Variants in BABAM2 observed in about 807,000 individuals in gnomAD.
BABAM2 encodes BRISC and BRCA1 A complex member 2, also known as BRISC and BRCA1-A complex member 2.
In BABAM2, 31 loss-of-function variants were observed where a neutral mutation model predicts 54.7. The ratio of observed to expected loss-of-function variants is 0.57; its 90% CI spans 0.43 to 0.77. The LOEUF is 0.77. BABAM2 is among the 30% of genes least tolerant of loss of function. The probability of loss-of-function intolerance (pLI) is 0.00; values close to 1 mark genes in which losing one functional copy is unlikely to be tolerated. For synonymous variants in BABAM2, 167 were observed against 162.9 expected, an observed-to-expected ratio of 1.03 and a Z score of -0.19; for missense variants, 364 against 455.8, an observed-to-expected ratio of 0.80 and a Z score of 1.83.
chr2:28,333,156 G>A (rs563772523), intron 11 of BABAM2, among the ~76,000 whole-genome samples: 11 of 152,124 alleles, frequency 7.2e-5, no homozygotes, highest in East Asian at 1.9e-4. Context: ...CATGCCAAGC[G>A]CTTACCCAGA....
chr2:28,117,143 A>G (rs1430556846), intron 6 of BABAM2, among the ~76,000 whole-genome samples: 2 of 152,176 alleles, frequency 1.3e-5, no homozygotes, highest in Non-Finnish European at 2.9e-5. Context: ...TAGCCTAGCT[A>G]TAGCCAGAGC....
intron 10 of BABAM2, among the ~76,000 whole-genome samples, chr2:28,281,390 A>G (rs1686344598): frequency 6.6e-6 from 1 of 152,198 alleles, no homozygotes; most frequent in South Asian, 2.1e-4. Flanking sequence ...GCTGTATGAA[A>G]TAGGTCAATA....
intron 2 of BABAM2, among the ~76,000 whole-genome samples, chr2:27,917,918 A>G (rs1345095892): frequency 6.6e-6 from 1 of 152,180 alleles, no homozygotes; most frequent in African/African-American, 2.4e-5. Context: ...TACTAATGGA[A>G]GAAATGCTTT....
At chr2:28,077,240 A>G (rs1320631289) in intron 6 of BABAM2, among the ~76,000 whole-genome samples, 1 of 152,254 alleles carries the variant, frequency 6.6e-6, no homozygotes, top group Non-Finnish European at 1.5e-5. Context: ...ATATTTGAAT[A>G]TCTTCTTACA....
At chr2:28,115,037 C>T (rs1358702521) in intron 6 of BABAM2, among the ~76,000 whole-genome samples, 1 of 151,956 alleles carries the variant, frequency 6.6e-6, no homozygotes, top group Non-Finnish European at 1.5e-5. Context: ...TTGTGGTAAG[C>T]ACCATACTGG....
intron 3 of BABAM2, among the ~76,000 whole-genome samples, chr2:27,949,298 C>T (rs544195706): frequency 1.8e-4 from 27 of 152,216 alleles, no homozygotes; most frequent in Middle Eastern, 3.4e-3. Context: ...TTTGGGAGGC[C>T]GAGACAGGCG....
intron 6 of BABAM2, among the ~76,000 whole-genome samples, chr2:28,078,584 G>A (rs1345894424): frequency 6.6e-6 from 1 of 152,086 alleles, no homozygotes; most frequent in Admixed American, 6.6e-5. Flanking sequence ...GCATCCACTG[G>A]CAGGTCTTGG....
chr2:27,918,995 A>G (rs546827911), intron 2 of BABAM2, among the ~76,000 whole-genome samples: 8 of 152,178 alleles, frequency 5.3e-5, no homozygotes, highest in Non-Finnish European at 1.2e-4. Context: ...CGGCCTCATT[A>G]TGAGTCTTTT....
intron 6 of BABAM2, among the ~76,000 whole-genome samples, chr2:28,074,936 C>T (rs1664516251): frequency 6.6e-6 from 1 of 152,152 alleles, no homozygotes; most frequent in African/African-American, 2.4e-5. Flanking sequence ...GAAGTTCATT[C>T]TTCTTCCAAG....
intron 7 of BABAM2, among the ~76,000 whole-genome samples, chr2:28,142,148 G>A (rs1464085703): frequency 1.3e-5 from 2 of 152,176 alleles, no homozygotes; most frequent in Non-Finnish European, 2.9e-5. Flanking sequence ...ATCCTGGTAT[G>A]TCTGATTTTG....
At chr2:28,257,482 C>G (rs1288103096) in intron 10 of BABAM2, among the ~76,000 whole-genome samples, 3 of 152,134 alleles carry the variant, frequency 2.0e-5, no homozygotes, top group Admixed American at 6.5e-5. Flanking sequence ...TTGTGTGTGT[C>G]AATGTTTTGT....
At chr2:27,896,678 T>C (rs1665350221) in intron 2 of BABAM2, 1 of 160,868 alleles carries the variant, frequency 6.2e-6, no homozygotes. Flanking sequence ...TCATTATCTA[T>C]TGTGTCCACC....
At chr2:28,062,560 T>G (rs1678973396) in intron 6 of BABAM2, among the ~76,000 whole-genome samples, 1 of 89,648 alleles carries the variant, frequency 1.1e-5, no homozygotes, top group African/African-American at 4.0e-5. Flanking sequence ...AGACTCCATC[T>G]CAAAAAAAAA....
intron 7 of BABAM2, among the ~76,000 whole-genome samples, chr2:28,151,817 C>A (rs1171851960): frequency 6.6e-6 from 1 of 152,180 alleles, no homozygotes; most frequent in Non-Finnish European, 1.5e-5. Flanking sequence ...AAATTCAATT[C>A]AAATCTTTTC....
chr2:28,251,977 G>C (rs1210102014), intron 10 of BABAM2, among the ~76,000 whole-genome samples: 1 of 152,108 alleles, frequency 6.6e-6, no homozygotes, highest in Non-Finnish European at 1.5e-5. Flanking sequence ...GATCACCTGA[G>C]GTCAGGAGTT....
intron 7 of BABAM2, among the ~76,000 whole-genome samples, chr2:28,144,399 T>G (rs115724273): frequency 5.0e-4 from 76 of 152,298 alleles, no homozygotes; most frequent in African/African-American, 1.8e-3. Flanking sequence ...ACATCTGAAG[T>G]GAGGGACTAA....
chr2:28,155,846 C>CTCTG (rs2147793608), intron 7 of BABAM2, among the ~76,000 whole-genome samples: 1 of 152,238 alleles, frequency 6.6e-6, no homozygotes, highest in African/African-American at 2.4e-5. Flanking sequence ...GTTGCTGGTC[C>CTCTG]AGAGGGCTTC....
intron 4 of BABAM2, among the ~76,000 whole-genome samples, chr2:28,001,632 G>A (rs561504600): frequency 2.6e-5 from 4 of 152,294 alleles, no homozygotes; most frequent in South Asian, 4.2e-4. Flanking sequence ...CAGTTCTGCA[G>A]GCTGTACAGG....
intron 7 of BABAM2, among the ~76,000 whole-genome samples, chr2:28,183,786 C>T (rs1321422380): frequency 6.7e-6 from 1 of 149,812 alleles, no homozygotes; most frequent in Non-Finnish European, 1.5e-5. Context: ...TACATTGACT[C>T]GTTTGTGAGA....
Sources: gnomAD v4.1 joint callset for allele counts (sites outside exome capture counted in the v4.1 genomes callset) on GRCh38, gnomAD v4.1.1 for gene constraint, MANE v1.5 for transcripts, NCBI Gene and HGNC (gene_info 2026-07-23, HGNC 2026-07-21) for gene names.